GLRA1: variants seen among roughly 807,000 people sequenced by gnomAD.
The protein encoded by GLRA1 is glycine receptor alpha 1.
Under a neutral mutation model 48.3 loss-of-function variants are expected in GLRA1, and 37 were observed. That is an observed-to-expected ratio of 0.77 (90% CI 0.59 to 1.01). The LOEUF (loss-of-function observed/expected upper bound fraction) is 1.01. GLRA1 is among the 50% of genes least tolerant of loss of function. The probability of loss-of-function intolerance (pLI) is 0.00; values close to 1 mark genes in which losing one functional copy is unlikely to be tolerated. For missense variants in GLRA1, 427 were observed against 571.0 expected, an observed-to-expected ratio of 0.75 and a Z score of 2.57; for synonymous variants, 196 against 210.7, an observed-to-expected ratio of 0.93 and a Z score of 0.60.
At chr5:151,865,264 G>A (rs77947117) in intron 3 of GLRA1, among the ~76,000 whole-genome samples, 3,677 of 152,214 alleles carry the variant, frequency 0.024, 138 homozygotes, top group African/African-American at 0.083. Flanking sequence ...GGGGTTAAAC[G>A]CAGGGTGCTA....
At chr5:151,854,972 A>G (rs1752997790) in intron 6 of GLRA1, 68 bp downstream of exon 6, 1 of 1,476,276 alleles carries the variant, frequency 6.8e-7, no homozygotes. Flanking sequence ...CAATGATTGA[A>G]TGTGTCTGAA....
chr5:151,909,246 A>G (rs1172704410), intron 1 of GLRA1, among the ~76,000 whole-genome samples: 1 of 152,216 alleles, frequency 6.6e-6, no homozygotes, highest in Non-Finnish European at 1.5e-5. Context: ...TATAGCTCAA[A>G]TAGAGACTCA....
At position 151,822,850 on chromosome 5, in the gene GLRA1, G is replaced by A. The variant is rs1423229153; in HGVS notation, c.1173C>T (p.Thr391=). The A allele has an allele frequency of 1.2e-6, 2 of 1,614,148 alleles. No individual in the cohort carries two copies. Among genetic ancestry groups the A allele is most frequent in the East Asian group, 2.2e-5 (1 of 44,874 alleles). The stretch of plus-strand genomic sequence containing the variant: ...ACTTAGATGGTGCAGGAGGGGGGTT[G>A]GTGGTGTTACTGTTGTTGGCGCCCT... ...SVKGANNSNT[T]NPPPAPSKSP... Residue 391 remains threonine, a synonymous_variant, in exon 9 of 9, where the codon ACC becomes ACT. Coordinates refer to ENST00000274576, the MANE Select transcript of GLRA1 (RefSeq NM_000171.4).
At chr5:151,887,088 G>A (rs1322063005) in intron 2 of GLRA1, among the ~76,000 whole-genome samples, 1 of 152,198 alleles carries the variant, frequency 6.6e-6, no homozygotes, top group Non-Finnish European at 1.5e-5. Flanking sequence ...CCTTCCCCAA[G>A]TCCCATTGGC....
At chr5:151,865,131 C>T (rs1259063724) in intron 3 of GLRA1, among the ~76,000 whole-genome samples, 2 of 152,150 alleles carry the variant, frequency 1.3e-5, no homozygotes, top group Non-Finnish European at 2.9e-5. Flanking sequence ...TAACTGAGCT[C>T]TCTTAAGTGC....
rs748376771 is a variant in GLRA1 at position 151,849,104 on chromosome 5, T to TTTTCTTTTC, written c.912+2285_912+2286insGAAAAGAAA. 7.7e-5 allele frequency: 9 copies of TTTTCTTTTC among 116,990 alleles called. No individual in the cohort carries two copies. The South Asian group carries it at 1.3e-3, about 16-fold the overall frequency. 7.2% of individuals were successfully genotyped at this position (116,990 alleles called of 1,614,324 possible). A position where few individuals can be genotyped will look rare whatever the true frequency, so the allele number is the denominator to read the frequency against. On this transcript the variant is annotated intron_variant, in intron 7 of 8. Transcript: ENST00000274576. ...TTTTCTTTCCTTTTTATTTCTTTTCTTTTCTTTCTTTCTTTCTTTCTTTCT... is the reference window on the plus strand; with the variant it reads ...TTTTCTTTCCTTTTTATTTCTTTTCTTTTCTTTTCTTTCTTTCTTTCTTTCTTTCTTTCT...
chr5:151,910,799 T>C (rs1279429511), intron 1 of GLRA1, among the ~76,000 whole-genome samples: 1 of 152,232 alleles, frequency 6.6e-6, no homozygotes, highest in Non-Finnish European at 1.5e-5. Flanking sequence ...TGTTATGTGT[T>C]ACCCTCTCTT....
At chr5:151,865,414 G>T (rs1364992156) in intron 3 of GLRA1, among the ~76,000 whole-genome samples, 1 of 152,198 alleles carries the variant, frequency 6.6e-6, no homozygotes, top group East Asian at 1.9e-4. Flanking sequence ...AAGTGCATAT[G>T]TGAAGGCCTA....
intron 6 of GLRA1, among the ~76,000 whole-genome samples, chr5:151,851,974 A>G (rs1203859975): frequency 6.6e-6 from 1 of 152,098 alleles, no homozygotes; most frequent in African/African-American, 2.4e-5. Context: ...ACTAAGTAGA[A>G]CTTTCTCTAC....
At chr5:151,867,861 T>C (rs1753376643) in intron 3 of GLRA1, among the ~76,000 whole-genome samples, 1 of 152,226 alleles carries the variant, frequency 6.6e-6, no homozygotes, top group South Asian at 2.1e-4. Flanking sequence ...TATTTGGATT[T>C]TATTTGCTAG....
At chr5:151,922,696 C>T (rs539963006) in intron 1 of GLRA1, among the ~76,000 whole-genome samples, 37 of 152,236 alleles carry the variant, frequency 2.4e-4, no homozygotes, top group Non-Finnish European at 4.0e-4. Flanking sequence ...ACAGTGGATT[C>T]ATAACCTTAT....
intron 7 of GLRA1, among the ~76,000 whole-genome samples, chr5:151,830,454 C>T (rs79945831): frequency 0.018 from 2,769 of 152,284 alleles, 84 homozygotes; most frequent in African/African-American, 0.063. Flanking sequence ...GTGACATATT[C>T]TTGGGAAACT....
chr5:151,923,895 T>C (rs1238023329), intron 1 of GLRA1, among the ~76,000 whole-genome samples: 3 of 152,196 alleles, frequency 2.0e-5, no homozygotes, highest in Non-Finnish European at 4.4e-5. Context: ...TTCAGGGCTT[T>C]ACACACTGAG....
intron 1 of GLRA1, among the ~76,000 whole-genome samples, chr5:151,909,608 T>A (rs571208168): frequency 3.2e-4 from 48 of 152,336 alleles, no homozygotes; most frequent in Admixed American, 3.0e-3. Flanking sequence ...TGATTTTTAG[T>A]CTTAAATGTT....
intron 3 of GLRA1, among the ~76,000 whole-genome samples, chr5:151,861,037 C>G (rs1753190235): frequency 6.6e-6 from 1 of 152,210 alleles, no homozygotes; most frequent in Non-Finnish European, 1.5e-5. Flanking sequence ...TTATCCGTGT[C>G]CCTATAAAGG....
chr5:151,853,234 T>A (rs996229489), intron 6 of GLRA1, among the ~76,000 whole-genome samples: 2 of 151,900 alleles, frequency 1.3e-5, no homozygotes, highest in Admixed American at 1.3e-4. Flanking sequence ...AGAGGATAGA[T>A]CTCCTTTTTA....
chr5:151,833,930 A>G (rs1763496873), intron 7 of GLRA1, among the ~76,000 whole-genome samples: 2 of 152,220 alleles, frequency 1.3e-5, no homozygotes, highest in Admixed American at 1.3e-4. Flanking sequence ...AGAAGAGCTA[A>G]CTGTCCTAAA....
chr5:151,897,178 T>C (rs1302448302), intron 1 of GLRA1, among the ~76,000 whole-genome samples: 1 of 152,212 alleles, frequency 6.6e-6, no homozygotes, highest in African/African-American at 2.4e-5. Flanking sequence ...CTCCACTTGA[T>C]AATCCTTGTA....
At chr5:151,823,892 G>C (rs1051097519) in intron 8 of GLRA1, among the ~76,000 whole-genome samples, 1 of 151,980 alleles carries the variant, frequency 6.6e-6, no homozygotes, top group Non-Finnish European at 1.5e-5. Context: ...ACTATTGTCT[G>C]CTCTCCTCAT....
Sources: gnomAD v4.1 joint callset for allele counts (sites outside exome capture counted in the v4.1 genomes callset) on GRCh38, gnomAD v4.1.1 for gene constraint, MANE v1.5 for transcripts, NCBI Gene and HGNC (gene_info 2026-07-23, HGNC 2026-07-21) for gene names.